RAB3IL1: variants seen among roughly 807,000 people sequenced by gnomAD.
RAB3IL1 encodes guanine nucleotide exchange factor for Rab-3A.
Under a neutral mutation model 49.2 loss-of-function variants are expected in RAB3IL1, and 37 were observed. That is an observed-to-expected ratio of 0.75 (90% CI 0.58 to 0.99). RAB3IL1 has a LOEUF of 0.99. Among genes scored for constraint, RAB3IL1 ranks in the 50% least tolerant of loss-of-function variants. The probability of loss-of-function intolerance (pLI) is 0.00; values close to 1 mark genes in which losing one functional copy is unlikely to be tolerated. For synonymous variants in RAB3IL1, 193 were observed against 213.9 expected (o/e 0.90, Z 0.85); for missense variants, 484 against 513.0 (o/e 0.94, Z 0.55).
At chr11:61,917,581 A>G (rs900769409), upstream of RAB3IL1, 2 of 1,073,176 alleles carry the variant, frequency 1.9e-6, no homozygotes, top group East Asian at 6.8e-5. Context: ...CGGAGGGGGG[A>G]GCGGCCCGAG....
chr11:61,917,560 G>T lies in RAB3IL1; in HGVS notation c.-193C>A. 1 of 1,093,986 alleles carries T rather than the reference G, an allele frequency of 9.1e-7. No homozygotes were observed. The highest frequency in any genetic ancestry group is 1.1e-6 in the Non-Finnish European group (1 of 901,824). 67.8% of individuals were successfully genotyped at this position (1,093,986 alleles called of 1,614,324 possible). On this transcript the variant is annotated 5_prime_UTR_variant, in exon 1 of 10. Coordinates refer to ENST00000394836, the MANE Select transcript of RAB3IL1 (RefSeq NM_013401.4). ...GCCCAGCCCCGACCCTGCCCTGGGC[G>T]GGTCACGTGGCGGAGGGGGGAGCGG...
chr11:61,937,411 A>T, the RAB3IL1 span, among the ~76,000 whole-genome samples: 1 of 152,080 alleles, frequency 6.6e-6, no homozygotes, highest in African/African-American at 2.4e-5. Flanking sequence ...GACTCAAGTG[A>T]TCATCCCACC....
the RAB3IL1 span, among the ~76,000 whole-genome samples, chr11:61,934,319 TACACACACAC>T: frequency 7.1e-5 from 9 of 126,560 alleles, no homozygotes; most frequent in East Asian, 2.3e-4. Flanking sequence ...TGAGTAAATA[TACACACACAC>T]ACACACACAC....
chr11:61,938,302 A>C, the RAB3IL1 span, among the ~76,000 whole-genome samples: 4 of 152,122 alleles, frequency 2.6e-5, no homozygotes. Flanking sequence ...TCAGGAAGCT[A>C]AGGTGGGAGG....
chr11:61,910,240 C>T (rs528533294), intron 1 of RAB3IL1, among the ~76,000 whole-genome samples: 91 of 152,306 alleles, frequency 6.0e-4, no homozygotes, highest in African/African-American at 2.1e-3. Context: ...GTGTTGGAAT[C>T]GGCGCATCTG....
chr11:61,904,776 C>G lies in RAB3IL1; in HGVS notation c.764G>C (p.Cys255Ser), dbSNP rs1399884663. Residue 255 changes from cysteine to serine, a missense_variant, in exon 6 of 10, where the codon TGC becomes TCC. Physicochemically the swap from Cys to Ser is moderately radical, Grantham distance 112. Coordinates refer to ENST00000394836, the MANE Select transcript of RAB3IL1 (RefSeq NM_013401.4). ...ERVYREDVGPCLDFTMQELSV... is the reference protein window; with the variant it reads ...ERVYREDVGPSLDFTMQELSV... ...CACCTCCTGCATTGTGAAGTCCAGG[C>G]AGGGGCCCACGTCCTCTCGGTACAC... 2 of 1,607,348 alleles carry G rather than the reference C, an allele frequency of 1.2e-6. No homozygotes were observed. The highest frequency in any genetic ancestry group is 1.7e-6 in the Non-Finnish European group (2 of 1,177,546).
intron 1 of RAB3IL1, among the ~76,000 whole-genome samples, chr11:61,913,606 G>T (rs111617232): frequency 6.0e-4 from 92 of 152,278 alleles, no homozygotes; most frequent in African/African-American, 2.1e-3. Flanking sequence ...AGGAGGGGGC[G>T]CATCTCACTA....
rs749604513 is a variant in RAB3IL1, at chr11:61,908,227, C to T, written c.91G>A (p.Gly31Ser). The change falls in exon 2 of 10, where the codon GGC becomes AGC. Residue 31 changes from glycine to serine, a missense_variant. Transcript: ENST00000394836. ...VPWKSTDPCQGHRESPGALVE... is the reference protein window; with the variant it reads ...VPWKSTDPCQSHRESPGALVE... ...AGGGCTCCTGGGGACTCCCTGTGGC[C>T]TTGGCAGGGGTCCGTGCTCTTCCAG... is the stretch of plus-strand genomic sequence containing the variant. 1.9e-5 allele frequency: 30 copies of T among 1,539,972 alleles called. No individual in the cohort carries two copies. The highest frequency in any genetic ancestry group is 2.6e-5 in the Non-Finnish European group (30 of 1,142,018).
At chr11:61,907,232 C>A (rs1281751678) in intron 4 of RAB3IL1, among the ~76,000 whole-genome samples, 161 bp downstream of exon 4, 2 of 152,224 alleles carry the variant, frequency 1.3e-5, no homozygotes. Flanking sequence ...TGATCTCAGA[C>A]CCCCACCCTT....
the RAB3IL1 span, among the ~76,000 whole-genome samples, chr11:61,933,661 C>T: frequency 5.4e-3 from 826 of 151,988 alleles, 7 homozygotes; most frequent in African/African-American, 0.018. Context: ...TGAGTAGAGA[C>T]GAAGAATTTT....
upstream of RAB3IL1, among the ~76,000 whole-genome samples, chr11:61,918,946 A>G (rs1939822650): frequency 6.6e-6 from 1 of 152,186 alleles, no homozygotes. Context: ...TCTTGGAGCT[A>G]TGTTCCCCTA....
At chr11:61,916,898 A>G (rs1939715845) in intron 1 of RAB3IL1, among the ~76,000 whole-genome samples, 2 of 151,754 alleles carry the variant, frequency 1.3e-5, no homozygotes, top group African/African-American at 4.8e-5. Flanking sequence ...GAGCCCCACA[A>G]GGAGGTTCTG....
rs1939064174 is a variant in RAB3IL1 at position 61,904,325 on chromosome 11, G to C, written c.899+221C>G. Reference sequence around the variant, plus strand: ...TTCAAGAAAAGAAGGGGAGGGCACAGAGCAGACCAGTCAGGAAGAGGCAGA... The same window carrying C: ...TTCAAGAAAAGAAGGGGAGGGCACACAGCAGACCAGTCAGGAAGAGGCAGA... On this transcript the variant is annotated intron_variant, in intron 7 of 9. Coordinates refer to ENST00000394836, the MANE Select transcript of RAB3IL1 (RefSeq NM_013401.4). Among the ~76,000 whole-genome samples, 6 of 152,242 alleles carry C rather than the reference G, an allele frequency of 3.9e-5. No homozygotes were observed. In the South Asian group the frequency reaches 1.2e-3, roughly 32 times the overall value.
chr11:61,908,712 G>C (rs1174778362), intron 1 of RAB3IL1, among the ~76,000 whole-genome samples: 7 of 150,350 alleles, frequency 4.7e-5, no homozygotes, highest in Admixed American at 4.0e-4. Context: ...AGGAGGTGTG[G>C]GTAAAACCTT....
In RAB3IL1 at chr11:61,897,475, G is replaced by C. The variant is rs1223861668; in HGVS notation, c.*803C>G. ...CTGCCCACCCAGGCCCCACATGCCAGGGCGCGTGTCTGCATGGCCACCCAC... is the reference window on the plus strand; with the variant it reads ...CTGCCCACCCAGGCCCCACATGCCACGGCGCGTGTCTGCATGGCCACCCAC... On this transcript the variant is annotated 3_prime_UTR_variant, in exon 10 of 10. Coordinates refer to ENST00000394836, the MANE Select transcript of RAB3IL1 (RefSeq NM_013401.4). 6 of 152,578 alleles carry C rather than the reference G, an allele frequency of 3.9e-5. No homozygotes were observed. The highest frequency in any genetic ancestry group is 3.9e-4 in the Admixed American group (6 of 15,310). The allele number at this position is 152,578 out of a possible 1,614,324, so 9.5% of individuals were successfully genotyped here.
chr11:61,909,305 C>A (rs983862612), intron 1 of RAB3IL1, among the ~76,000 whole-genome samples: 2 of 152,052 alleles, frequency 1.3e-5, no homozygotes, highest in Non-Finnish European at 2.9e-5. Context: ...GGACTCAGGA[C>A]GGCTGAGGCA....
the RAB3IL1 span, among the ~76,000 whole-genome samples, chr11:61,928,482 GAGCTAGGACCCTCAAAATACATGA>G: frequency 1.4e-5 from 2 of 142,886 alleles, no homozygotes; most frequent in East Asian, 2.0e-4. Context: ...AGAATACACA[GAGCTAGGACCCTCAAAATACATGA>G]AGCTAGGACC....
chr11:61,908,774 C>T (rs1231323412), intron 1 of RAB3IL1, among the ~76,000 whole-genome samples: 2 of 152,310 alleles, frequency 1.3e-5, no homozygotes, highest in African/African-American at 4.8e-5. Flanking sequence ...ACAGTTAATG[C>T]GAATTCTGCC....
the RAB3IL1 span, among the ~76,000 whole-genome samples, chr11:61,943,295 A>G: frequency 2.6e-5 from 4 of 152,226 alleles, no homozygotes; most frequent in South Asian, 8.3e-4. Flanking sequence ...ATGCAAAAGA[A>G]GAAAGTTGGA....
Sources: allele counts gnomAD v4.1 joint callset (sites outside exome capture counted in the v4.1 genomes callset), GRCh38; gene constraint gnomAD v4.1.1; transcripts MANE v1.5; gene names NCBI Gene and HGNC (gene_info 2026-07-23, HGNC 2026-07-21).